The following TMEM178B variants were observed in gnomAD, a reference collection of about 807,000 sequenced individuals.
TMEM178B encodes transmembrane protein 178B.
TMEM178B carries 5 observed loss-of-function variants against 31.0 expected under a neutral mutation model. The ratio of observed to expected loss-of-function variants is 0.16; its 90% CI spans 0.08 to 0.34. The LOEUF (loss-of-function observed/expected upper bound fraction) is 0.34. Among genes scored for constraint, TMEM178B ranks in the 10% least tolerant of loss-of-function variants. The pLI, the probability that TMEM178B is intolerant of heterozygous loss-of-function variation, is 1.00. For missense variants in TMEM178B, 275 were observed against 400.3 expected (o/e 0.69, Z 2.67); for synonymous variants, 164 against 164.0 (o/e 1.00, Z 0.00).
chr7:141,236,270 G>A (rs1479025259), intron 2 of TMEM178B, among the ~76,000 whole-genome samples: 1 of 152,198 alleles, frequency 6.6e-6, no homozygotes, highest in Non-Finnish European at 1.5e-5. Flanking sequence ...CCAAATTTGA[G>A]AAGTTACAGA....
intron 1 of TMEM178B, among the ~76,000 whole-genome samples, chr7:141,095,042 G>A (rs987704354): frequency 3.3e-5 from 5 of 152,026 alleles, no homozygotes; most frequent in Non-Finnish European, 7.4e-5. Flanking sequence ...TTCCTTTCTT[G>A]GAAAAAAGAG....
At chr7:141,096,480 C>T (rs1443118341) in intron 1 of TMEM178B, among the ~76,000 whole-genome samples, 2 of 152,146 alleles carry the variant, frequency 1.3e-5, no homozygotes, top group Non-Finnish European at 2.9e-5. Flanking sequence ...AAGCCTGAGT[C>T]CTCGAATGTC....
intron 2 of TMEM178B, among the ~76,000 whole-genome samples, chr7:141,369,315 A>ATGTGTGTG (rs1563163875): frequency 1.7e-4 from 18 of 108,788 alleles, no homozygotes; most frequent in African/African-American, 6.2e-4. Context: ...CTCCGCGCCG[A>ATGTGTGTG]CGTGTGTGTG....
chr7:141,301,542 G>A (rs1798726527), intron 2 of TMEM178B, among the ~76,000 whole-genome samples: 1 of 152,132 alleles, frequency 6.6e-6, no homozygotes, highest in South Asian at 2.1e-4. Flanking sequence ...CAGAAAGATT[G>A]TGATGGAAAG....
chr7:141,191,785 T>A (rs1796701142), intron 1 of TMEM178B, among the ~76,000 whole-genome samples: 1 of 152,214 alleles, frequency 6.6e-6, no homozygotes, highest in Admixed American at 6.5e-5. Flanking sequence ...TCTTAGTTTG[T>A]TTTTTGATTT....
chr7:141,115,849 A>G (rs1279773958), intron 1 of TMEM178B, among the ~76,000 whole-genome samples: 1 of 152,212 alleles, frequency 6.6e-6, no homozygotes, highest in East Asian at 1.9e-4. Context: ...TTTTATTATA[A>G]TGTTATTTAA....
At chr7:141,293,704 T>A (rs1356486891) in intron 2 of TMEM178B, among the ~76,000 whole-genome samples, 1 of 152,200 alleles carries the variant, frequency 6.6e-6, no homozygotes, top group Non-Finnish European at 1.5e-5. Context: ...GAGGTTCTCT[T>A]TGCTTCTCTC....
chr7:141,218,746 G>A (rs1022898288), intron 2 of TMEM178B, among the ~76,000 whole-genome samples: 2 of 152,116 alleles, frequency 1.3e-5, no homozygotes, highest in Non-Finnish European at 1.5e-5. Context: ...CCCTGGTGCT[G>A]TCTAGACTCT....
At chr7:141,338,695 C>T (rs985559587) in intron 2 of TMEM178B, among the ~76,000 whole-genome samples, 8 of 152,204 alleles carry the variant, frequency 5.3e-5, no homozygotes, top group Non-Finnish European at 7.3e-5. Flanking sequence ...AGTGACCAAA[C>T]TGTCCCCCTG....
intron 2 of TMEM178B, among the ~76,000 whole-genome samples, chr7:141,359,150 C>T (rs1799873630): frequency 6.6e-6 from 1 of 152,174 alleles, no homozygotes; most frequent in Non-Finnish European, 1.5e-5. Flanking sequence ...CTTGCACTAG[C>T]ATCTAAAAAA....
intron 2 of TMEM178B, among the ~76,000 whole-genome samples, chr7:141,374,822 G>A (rs1263025106): frequency 6.6e-6 from 1 of 152,202 alleles, no homozygotes; most frequent in Non-Finnish European, 1.5e-5. Flanking sequence ...TGATAGATGA[G>A]ATCATTACTG....
intron 1 of TMEM178B, among the ~76,000 whole-genome samples, chr7:141,097,365 C>CAAAAAA (rs10718738): frequency 2.3e-4 from 20 of 85,294 alleles, no homozygotes; most frequent in Non-Finnish European, 3.7e-4. Context: ...GACTCCGTCT[C>CAAAAAA]AAAAAAAAAA....
chr7:141,205,290 T>C (rs1275681336), intron 1 of TMEM178B, among the ~76,000 whole-genome samples: 1 of 152,252 alleles, frequency 6.6e-6, no homozygotes, highest in Admixed American at 6.5e-5. Flanking sequence ...GTTTATACTT[T>C]GTTTAACCCA....
At chr7:141,502,911 T>C in the TMEM178B span, among the ~76,000 whole-genome samples, 1 of 152,240 alleles carries the variant, frequency 6.6e-6, no homozygotes, top group African/African-American at 2.4e-5. Context: ...CCAACAAGTA[T>C]GGAAGAGACC....
rs117307184 is a variant in TMEM178B, at chr7:141,145,558, T to C, written c.383-67033T>C. On this transcript the variant is annotated intron_variant, in intron 1 of 3. Coordinates refer to ENST00000565468, the MANE Select transcript of TMEM178B (RefSeq NM_001195278.2). Reference sequence around the variant, plus strand: ...AACCTGCCAGCATCATGGCTCAGTGTATTCACCCCTGAGCCAGGCATCTTG... The same window carrying C: ...AACCTGCCAGCATCATGGCTCAGTGCATTCACCCCTGAGCCAGGCATCTTG... 3.8e-3 allele frequency among the ~76,000 whole-genome samples: 581 copies of C among 152,338 alleles called. 5 individuals are homozygous for C. The highest frequency in any genetic ancestry group is 0.011 in the African/African-American group (456 of 41,576).
intron 2 of TMEM178B, among the ~76,000 whole-genome samples, chr7:141,310,632 T>C (rs1430622676): frequency 6.6e-6 from 1 of 152,042 alleles, no homozygotes; most frequent in Non-Finnish European, 1.5e-5. Flanking sequence ...GGAACGGTGA[T>C]TATTAAGAAG....
chr7:141,131,083 T>G (rs951385878), intron 1 of TMEM178B, among the ~76,000 whole-genome samples: 3 of 152,190 alleles, frequency 2.0e-5, no homozygotes, highest in African/African-American at 7.2e-5. Context: ...AATCTGCTTT[T>G]TTACAGGAGA....
chr7:141,176,513 G>T (rs1472026365), intron 1 of TMEM178B, among the ~76,000 whole-genome samples: 1 of 152,114 alleles, frequency 6.6e-6, no homozygotes, highest in Non-Finnish European at 1.5e-5. Flanking sequence ...CTATTATTTG[G>T]AATAGTTTCA....
intron 2 of TMEM178B, among the ~76,000 whole-genome samples, chr7:141,236,203 T>TCAGAGA (rs1401628017): frequency 6.6e-6 from 1 of 152,148 alleles, no homozygotes; most frequent in Non-Finnish European, 1.5e-5. Context: ...AGAGAGGGTT[T>TCAGAGA]GTATTGAGTG....
Sources: allele counts gnomAD v4.1 joint callset (sites outside exome capture counted in the v4.1 genomes callset), GRCh38; gene constraint gnomAD v4.1.1; transcripts MANE v1.5; gene names NCBI Gene and HGNC (gene_info 2026-07-23, HGNC 2026-07-21).